Variants in MYPN observed in about 807,000 individuals in gnomAD.
The protein encoded by MYPN is myopalladin.
MYPN carries 63 observed loss-of-function variants against 129.4 expected under a neutral mutation model. The ratio of observed to expected loss-of-function variants is 0.49; its 90% CI spans 0.40 to 0.60. The LOEUF is 0.60. MYPN is among the 20% of genes least tolerant of loss of function. MYPN has a pLI of 0.00. For synonymous variants in MYPN, 629 were observed against 600.9 expected (o/e 1.05, Z -0.68); for missense variants, 1,596 against 1,635.4 (o/e 0.98, Z 0.42).
chr10:68,138,850 C>T (rs1056364942), intron 2 of MYPN, among the ~76,000 whole-genome samples: 2 of 152,122 alleles, frequency 1.3e-5, no homozygotes, highest in African/African-American at 4.8e-5. Context: ...TGTTCACTAC[C>T]AAGCCTGGTA....
chr10:68,158,614 G>A lies in MYPN; in HGVS notation c.1446G>A (p.Arg482=). 1 of 1,593,164 alleles carries A rather than the reference G, an allele frequency of 6.3e-7. No individual in the cohort carries two copies. Among genetic ancestry groups the A allele is most frequent in the South Asian group, 1.1e-5 (1 of 90,310 alleles). Residue 482 remains arginine (R), a synonymous_variant, in exon 7 of 20, where the codon AGG becomes AGA. Transcript: ENST00000358913. ...TAATAGAAGATTCTCCAGATTTTAG[G>A]ATTTTACAGAAAAGTAAGTTAATAC... ...GTLIEDSPDF[R]ILQKKPRSMA...
At chr10:68,173,785 G>A (rs147111234) in intron 10 of MYPN, among the ~76,000 whole-genome samples, 15 of 150,938 alleles carry the variant, frequency 9.9e-5, no homozygotes, top group African/African-American at 3.4e-4. Flanking sequence ...AGTAGCTGGG[G>A]CTACAGGCGT....
intron 1 of MYPN, among the ~76,000 whole-genome samples, chr10:68,091,803 CTT>C (rs1474821592): frequency 1.3e-5 from 2 of 149,770 alleles, no homozygotes; most frequent in African/African-American, 4.9e-5. Context: ...ATTTTGTCCT[CTT>C]TATAAAAATA....
At chr10:68,132,521 C>G (rs1276263115) in intron 2 of MYPN, among the ~76,000 whole-genome samples, 1 of 152,164 alleles carries the variant, frequency 6.6e-6, no homozygotes, top group Non-Finnish European at 1.5e-5. Flanking sequence ...TGGTATAGCC[C>G]TTGAGGCTGG....
chr10:68,124,889 G>T (rs2042302386), intron 2 of MYPN, among the ~76,000 whole-genome samples: 1 of 152,188 alleles, frequency 6.6e-6, no homozygotes, highest in Non-Finnish European at 1.5e-5. Flanking sequence ...ACTCTGGTTG[G>T]TAATGCTAGT....
chr10:68,203,938 A>G lies in MYPN; in HGVS notation c.3659+1944A>G, dbSNP rs1244026720. Among the ~76,000 whole-genome samples, 9 of 152,192 alleles carry G rather than the reference A, an allele frequency of 5.9e-5. 1 individual carries two copies. The highest frequency in any genetic ancestry group is 2.6e-4 in the Admixed American group (4 of 15,276). On this transcript the variant is annotated intron_variant, in intron 18 of 19. Transcript: ENST00000358913. ...TTCTCTCACCTATATACCTCTGCTC[A>G]GGACATTCCTTCTTTGGGAACTCTC...
chr10:68,134,843 G>A (rs2042462137), intron 2 of MYPN, among the ~76,000 whole-genome samples: 1 of 152,116 alleles, frequency 6.6e-6, no homozygotes, highest in Admixed American at 6.5e-5. Flanking sequence ...AGGATATGTG[G>A]TAAGGGGTGG....
intron 1 of MYPN, among the ~76,000 whole-genome samples, chr10:68,112,101 T>C (rs1303837600): frequency 6.6e-6 from 1 of 152,254 alleles, no homozygotes; most frequent in African/African-American, 2.4e-5. Flanking sequence ...TGGTTCATTA[T>C]GAATGGTGAG....
At chr10:68,142,800 AAAT>A in intron 2 of MYPN, 137 bp from the exon 3 acceptor site, 1 of 850,584 alleles carries the variant, frequency 1.2e-6, no homozygotes, top group Non-Finnish European at 2.0e-6. Context: ...TGTTACAAAA[AAAT>A]AATGTTATAA....
upstream of MYPN, among the ~76,000 whole-genome samples, chr10:68,101,314 T>C (rs888256400): frequency 3.9e-5 from 6 of 152,220 alleles, no homozygotes; most frequent in African/African-American, 1.4e-4. Flanking sequence ...CAAGGAAATA[T>C]TGGTGGAACA....
At chr10:68,203,322 C>T (rs1460898896) in intron 18 of MYPN, among the ~76,000 whole-genome samples, 3 of 152,192 alleles carry the variant, frequency 2.0e-5, no homozygotes, top group East Asian at 3.8e-4. Context: ...GGCACAGTGG[C>T]TCATGCCTGT....
intron 19 of MYPN, among the ~76,000 whole-genome samples, chr10:68,208,357 T>C (rs901861365): frequency 1.3e-5 from 2 of 152,184 alleles, no homozygotes; most frequent in Non-Finnish European, 2.9e-5. Context: ...TTTCTCTAGG[T>C]CTAGTTTTTG....
At chr10:68,148,550 C>T (rs938805998) in intron 5 of MYPN, 83 bp downstream of exon 5, 5 of 1,136,582 alleles carry the variant, frequency 4.4e-6, no homozygotes, top group African/African-American at 3.1e-5. Context: ...ATGGCATGAT[C>T]GTGTTTTTCT....
chr10:68,099,879 T>C (rs1382987464), intron 1 of MYPN, among the ~76,000 whole-genome samples: 1 of 152,068 alleles, frequency 6.6e-6, no homozygotes, highest in Non-Finnish European at 1.5e-5. Flanking sequence ...CCAAATAGAT[T>C]CCTGAATGCA....
rs531222847 is a variant in MYPN at position 68,199,498 on chromosome 10, G to A, written c.3416G>A (p.Arg1139His). The A allele has an allele frequency of 3.5e-5, 57 of 1,614,146 alleles. No homozygotes were observed. The Middle Eastern group carries it at 4.9e-4, about 14-fold the overall frequency. Reference sequence around the variant, plus strand: ...CTGCTCATTGACCCACTCACTCAGCGCGACGCAGGGACCTATAAGTGCATC... The same window carrying A: ...CTGCTCATTGACCCACTCACTCAGCACGACGCAGGGACCTATAAGTGCATC... Reference protein sequence around the residue: ...HSLLIDPLTQRDAGTYKCIAT... With the variant: ...HSLLIDPLTQHDAGTYKCIAT... The change falls in exon 17 of 20, where the codon CGC becomes CAC. Residue 1139 changes from arginine to histidine, a missense_variant. Arg to His is a conservative substitution (Grantham distance 29). Coordinates refer to ENST00000358913, the MANE Select transcript of MYPN (RefSeq NM_032578.4).
chr10:68,088,085 G>C (rs1423159485), intron 1 of MYPN, among the ~76,000 whole-genome samples: 1 of 152,168 alleles, frequency 6.6e-6, no homozygotes, highest in Non-Finnish European at 1.5e-5. Flanking sequence ...TACTGTCCCA[G>C]TAAAAAGGTG....
At position 68,175,375 on chromosome 10, in the gene MYPN, G is replaced by A; in HGVS notation, c.2617G>A (p.Asp873Asn). 1 of 1,614,128 alleles carries A rather than the reference G, an allele frequency of 6.2e-7. No homozygotes were observed. The highest frequency in any genetic ancestry group is 8.5e-7 in the Non-Finnish European group (1 of 1,179,986). Residue 873 changes from aspartate (D) to asparagine (N), a missense_variant, in exon 12 of 20, where the codon GAT becomes AAT. Coordinates refer to ENST00000358913, the MANE Select transcript of MYPN (RefSeq NM_032578.4). Reference protein sequence around the residue: ...KNTKSPQPVNDDNIRETKNAV... With the variant: ...KNTKSPQPVNNDNIRETKNAV... ...TACAAAGTCTCCTCAACCAGTGAATGATGATAACATTCGTGAAACTAAGAA... is the reference window on the plus strand; with the variant it reads ...TACAAAGTCTCCTCAACCAGTGAATAATGATAACATTCGTGAAACTAAGAA...
chr10:68,161,979 A>G (rs2042984147), intron 8 of MYPN: 2 of 353,110 alleles, frequency 5.7e-6, no homozygotes, highest in Non-Finnish European at 1.0e-5. Context: ...CCTGGCCTAC[A>G]TGACAAAATG....
chr10:68,132,123 T>C (rs914920651), intron 2 of MYPN, among the ~76,000 whole-genome samples: 6 of 152,222 alleles, frequency 3.9e-5, no homozygotes, highest in African/African-American at 1.4e-4. Context: ...GAATGCTTTC[T>C]AGCTCTATAA....
Sources: gnomAD v4.1 joint callset for allele counts (sites outside exome capture counted in the v4.1 genomes callset) on GRCh38, gnomAD v4.1.1 for gene constraint, MANE v1.5 for transcripts, NCBI Gene and HGNC (gene_info 2026-07-23, HGNC 2026-07-21) for gene names.